Variants in CPNE5 observed in about 807,000 individuals in gnomAD.
CPNE5 encodes the protein copine 5, also known as copine-5.
In CPNE5, 42 loss-of-function variants were observed where a neutral mutation model predicts 81.1. The observed-to-expected ratio is 0.52, with a 90% CI of 0.40 to 0.67. CPNE5 has a LOEUF of 0.67. CPNE5 is among the 30% of genes least tolerant of loss of function. CPNE5 has a pLI of 0.00. For missense variants in CPNE5, 612 were observed against 815.5 expected, an observed-to-expected ratio of 0.75 and a Z score of 3.04; for synonymous variants, 313 against 321.5, an observed-to-expected ratio of 0.97 and a Z score of 0.28.
At chr6:36,807,181 C>G (rs910039486) in intron 3 of CPNE5, among the ~76,000 whole-genome samples, 6 of 152,156 alleles carry the variant, frequency 3.9e-5, no homozygotes, top group Admixed American at 2.0e-4. Flanking sequence ...AATCACTGGC[C>G]CTAGCTTTGA....
At chr6:36,759,280 G>C (rs896320170) in intron 12 of CPNE5, among the ~76,000 whole-genome samples, 45 of 152,212 alleles carry the variant, frequency 3.0e-4, no homozygotes, top group African/African-American at 1.0e-3. Context: ...TTACCCTGAG[G>C]TTTCATGCTC....
At chr6:36,825,331 C>T (rs1199930652) in intron 1 of CPNE5, among the ~76,000 whole-genome samples, 1 of 152,202 alleles carries the variant, frequency 6.6e-6, no homozygotes, top group Non-Finnish European at 1.5e-5. Context: ...GCTCCAGTCC[C>T]TGAGCAGATT....
intron 8 of CPNE5, among the ~76,000 whole-genome samples, chr6:36,790,125 T>C (rs910948187): frequency 2.6e-5 from 4 of 152,180 alleles, no homozygotes; most frequent in African/African-American, 7.2e-5. Flanking sequence ...TCAATTAACC[T>C]CTCTGTGCTT....
At position 36,830,671 on chromosome 6, in the gene CPNE5, G is replaced by A. The variant is rs146998355; in HGVS notation, c.96-7573C>T. Among the ~76,000 whole-genome samples, 108 of 152,334 alleles carry A rather than the reference G, an allele frequency of 7.1e-4. 2 individuals carry two copies. In the East Asian group the frequency reaches 0.019, roughly 26 times the overall value. ...GAAAAGAGCAGGAGCTCTGGCCTCA[G>A]ATGCTTCTGAGCTGGAGTCCCCACA... On this transcript the variant is annotated intron_variant, in intron 1 of 20. Transcript: ENST00000244751.
intron 1 of CPNE5, among the ~76,000 whole-genome samples, chr6:36,828,364 G>A (rs543173545): frequency 1.4e-5 from 2 of 147,666 alleles, no homozygotes; most frequent in South Asian, 2.2e-4. Flanking sequence ...TGTACCATCC[G>A]AGAGGGAGAT....
intron 3 of CPNE5, among the ~76,000 whole-genome samples, chr6:36,819,270 T>C (rs1361689468): frequency 6.6e-6 from 1 of 152,156 alleles, no homozygotes; most frequent in Non-Finnish European, 1.5e-5. Flanking sequence ...CAGCTAATTT[T>C]TGTGTTTTTA....
At chr6:36,799,599 T>C (rs1582933185) in intron 4 of CPNE5, among the ~76,000 whole-genome samples, 2 of 152,108 alleles carry the variant, frequency 1.3e-5, no homozygotes, top group Non-Finnish European at 2.9e-5. Flanking sequence ...CACGCTTAGA[T>C]GGAGGAAGCA....
chr6:36,808,677 G>A (rs983101229), intron 3 of CPNE5, among the ~76,000 whole-genome samples: 3 of 152,270 alleles, frequency 2.0e-5, no homozygotes, highest in South Asian at 4.2e-4. Flanking sequence ...GGACAGAAGG[G>A]ACATGCAGGG....
At chr6:36,788,605 G>A (rs1010294868) in intron 8 of CPNE5, among the ~76,000 whole-genome samples, 2 of 121,738 alleles carry the variant, frequency 1.6e-5, no homozygotes, top group African/African-American at 3.4e-5. Context: ...AGAGGGTCTC[G>A]GTAAACCAAT....
rs1223065476 is a variant in CPNE5, at chr6:36,839,087, G to A, written c.95+196C>T. On this transcript the variant is annotated intron_variant, in intron 1 of 20. Transcript: ENST00000244751. The surrounding 1 kb of genome is among the most constrained non-coding windows in gnomAD (Gnocchi z 7.3). ...GCAAACTTTCTGGGATATGACCCCAGCCTGGCTTCCTATTCTGCCGTCGCC... is the reference window on the plus strand; with the variant it reads ...GCAAACTTTCTGGGATATGACCCCAACCTGGCTTCCTATTCTGCCGTCGCC... 6.6e-6 allele frequency among the ~76,000 whole-genome samples: 1 copy of A among 152,226 alleles called. No individual in the cohort carries two copies. Among genetic ancestry groups the A allele is most frequent in the Non-Finnish European group, 1.5e-5 (1 of 68,040 alleles).
chr6:36,773,889 A>G (rs1767262569), intron 10 of CPNE5, among the ~76,000 whole-genome samples: 1 of 152,046 alleles, frequency 6.6e-6, no homozygotes, highest in Admixed American at 6.5e-5. Flanking sequence ...ACATGGTGAA[A>G]CCCCATGTCC....
intron 4 of CPNE5, among the ~76,000 whole-genome samples, chr6:36,799,504 A>C (rs893126848): frequency 5.3e-5 from 8 of 152,094 alleles, no homozygotes; most frequent in Non-Finnish European, 1.2e-4. Flanking sequence ...AGGCACTCTC[A>C]TGTTCCGACG....
chr6:36,823,008 C>T, intron 2 of CPNE5, 50 bp downstream of exon 2: 1 of 1,453,636 alleles, frequency 6.9e-7, no homozygotes, highest in Non-Finnish European at 9.3e-7. Flanking sequence ...TGTAATTAGT[C>T]ATAGCGTTGC....
intron 1 of CPNE5, chr6:36,827,509 A>T: frequency 1.0e-6 from 1 of 985,350 alleles, no homozygotes; most frequent in Non-Finnish European, 1.2e-6. Context: ...TCCCCCTATT[A>T]TGTCTCTGAT....
rs768601657 is a variant in CPNE5 at position 36,762,992 on chromosome 6, G to T, written c.780C>A (p.Ser260Arg). Reference sequence around the variant, plus strand: ...TGGTGAACTCCCCAATGAAGTCATGGCTGCAAGGGAAGACGGCTGCTGAGA... The same window carrying T: ...TGGTGAACTCCCCAATGAAGTCATGTCTGCAAGGGAAGACGGCTGCTGAGA... ...VEVYDWDRDG[S>R]HDFIGEFTTS... Residue 260 changes from serine to arginine, a missense_variant and splice_region_variant, in exon 12 of 21, where the codon AGC becomes AGA. Ser to Arg is a moderately radical substitution (Grantham distance 110, BLOSUM62 -1). Transcript: ENST00000244751. 6.2e-7 allele frequency: 1 copy of T among 1,614,062 alleles called. No individual in the cohort carries two copies. Among genetic ancestry groups the T allele is most frequent in the South Asian group, 1.1e-5 (1 of 91,080 alleles).
chr6:36,763,113 C>T (rs773614349), intron 11 of CPNE5, 121 bp from the exon 12 acceptor site: 7 of 824,502 alleles, frequency 8.5e-6, no homozygotes, highest in Non-Finnish European at 1.4e-5. Context: ...ACTCCAGGGG[C>T]ACACGCCAGC....
At chr6:36,793,998 C>T (rs964764208) in intron 7 of CPNE5, among the ~76,000 whole-genome samples, 1 of 152,082 alleles carries the variant, frequency 6.6e-6, no homozygotes, top group African/African-American at 2.4e-5. Context: ...GGAGGCTCTG[C>T]GTTGGCCACA....
rs553778803 is a variant in CPNE5, at chr6:36,791,477, C to T, written c.528+556G>A. Among the ~76,000 whole-genome samples, 10 of 152,290 alleles carry T rather than the reference C, an allele frequency of 6.6e-5. No homozygotes were observed. In the South Asian group the frequency reaches 2.1e-3, roughly 32 times the overall value. ...GTCCCCTGAGCCCCTTCTTTGTGTG[C>T]TCAGCTGTCCCCATCTCCTGCTCCC... is the stretch of plus-strand genomic sequence containing the variant. On this transcript the variant is annotated intron_variant, in intron 8 of 20. Coordinates refer to ENST00000244751, the MANE Select transcript of CPNE5 (RefSeq NM_020939.2).
At chr6:36,763,860 A>G (rs1263537448) in intron 11 of CPNE5, among the ~76,000 whole-genome samples, 1 of 150,066 alleles carries the variant, frequency 6.7e-6, no homozygotes, top group Non-Finnish European at 1.5e-5. Flanking sequence ...ACACAATGAG[A>G]GCGATGTCCA....
Sources: allele counts gnomAD v4.1 joint callset (sites outside exome capture counted in the v4.1 genomes callset), GRCh38; gene constraint gnomAD v4.1.1; non-coding constraint Gnocchi (gnomAD v3.1); transcripts MANE v1.5; gene names NCBI Gene and HGNC (gene_info 2026-07-23, HGNC 2026-07-21).